Variants in TRIO observed in about 807,000 individuals in gnomAD.
The protein encoded by TRIO is triple functional domain protein.
Under a neutral mutation model 351.9 loss-of-function variants are expected in TRIO, and 58 were observed. The observed-to-expected ratio is 0.16, with a 90% CI of 0.13 to 0.21. TRIO has a LOEUF of 0.21. Ranked by LOEUF, TRIO falls within the 10% of genes least tolerant of loss-of-function variation. The pLI is 1.00. For synonymous variants in TRIO, 1,758 were observed against 1,595.7 expected, an observed-to-expected ratio of 1.10 and a Z score of -2.42; for missense variants, 3,201 against 4,027.8, an observed-to-expected ratio of 0.79 and a Z score of 5.56.
intron 21 of TRIO, among the ~76,000 whole-genome samples, chr5:14,384,860 G>A (rs919599966): frequency 7.2e-6 from 1 of 139,102 alleles, no homozygotes; most frequent in Non-Finnish European, 1.6e-5. Context: ...AAGATATATA[G>A]GCAGCTCATA....
chr5:14,476,134 A>G (rs1755058110), intron 40 of TRIO, among the ~76,000 whole-genome samples: 1 of 152,248 alleles, frequency 6.6e-6, no homozygotes, highest in Non-Finnish European at 1.5e-5. Flanking sequence ...AGTTTTGTAT[A>G]TCTGCTGTCC....
chr5:14,435,539 A>G (rs1751512116), intron 34 of TRIO, among the ~76,000 whole-genome samples: 1 of 152,130 alleles, frequency 6.6e-6, no homozygotes, highest in African/African-American at 2.4e-5. Context: ...TTTACCCTCT[A>G]ATTTTGGCAT....
At chr5:14,187,202 T>C (rs182443093) in intron 1 of TRIO, among the ~76,000 whole-genome samples, 167 of 152,328 alleles carry the variant, frequency 1.1e-3, no homozygotes, top group African/African-American at 3.9e-3. Flanking sequence ...AGTACTAAAA[T>C]GTATTATACT....
intron 1 of TRIO, among the ~76,000 whole-genome samples, chr5:14,199,082 C>T (rs1304869298): frequency 6.9e-6 from 1 of 144,194 alleles, no homozygotes; most frequent in African/African-American, 2.5e-5. Flanking sequence ...TACAAAAATA[C>T]AAAAATTAAC....
At chr5:14,310,367 A>G (rs1044786063) in intron 8 of TRIO, among the ~76,000 whole-genome samples, 3 of 152,274 alleles carry the variant, frequency 2.0e-5, no homozygotes, top group Non-Finnish European at 4.4e-5. Flanking sequence ...AGCACAAGCA[A>G]GGCGAAGTGC....
chr5:14,332,358 G>A (rs1172494761), intron 10 of TRIO, among the ~76,000 whole-genome samples: 1 of 152,170 alleles, frequency 6.6e-6, no homozygotes, highest in African/African-American at 2.4e-5. Flanking sequence ...TAAAAGAAAA[G>A]CAGACCAGTG....
chr5:14,474,494 C>T (rs749201194), intron 40 of TRIO, among the ~76,000 whole-genome samples: 3 of 151,846 alleles, frequency 2.0e-5, no homozygotes, highest in African/African-American at 2.4e-5. Flanking sequence ...ACTTTTACCT[C>T]GTGGGTTTTT....
At chr5:14,182,631 G>A (rs1239929502) in intron 1 of TRIO, among the ~76,000 whole-genome samples, 1 of 152,124 alleles carries the variant, frequency 6.6e-6, no homozygotes, top group Non-Finnish European at 1.5e-5. Context: ...GTAAGAAAAT[G>A]CCATTAATTA....
intron 1 of TRIO, among the ~76,000 whole-genome samples, chr5:14,197,492 A>G (rs1331354762): frequency 6.6e-6 from 1 of 152,178 alleles, no homozygotes; most frequent in African/African-American, 2.4e-5. Context: ...TGATTTTTAA[A>G]GCAGTCATAT....
chr5:14,474,774 C>T (rs746606501), intron 40 of TRIO, among the ~76,000 whole-genome samples: 10 of 152,050 alleles, frequency 6.6e-5, no homozygotes, highest in Non-Finnish European at 1.3e-4. Flanking sequence ...GTAATCCTCC[C>T]GCCTCAGCAT....
At chr5:14,335,261 G>A (rs1579356187) in intron 10 of TRIO, among the ~76,000 whole-genome samples, 1 of 152,196 alleles carries the variant, frequency 6.6e-6, no homozygotes, top group East Asian at 1.9e-4. Context: ...CCAACTTGGA[G>A]GCCACCCCTC....
At chr5:14,339,663 T>G (rs1032979600) in intron 11 of TRIO, among the ~76,000 whole-genome samples, 4 of 152,192 alleles carry the variant, frequency 2.6e-5, no homozygotes, top group African/African-American at 7.2e-5. Flanking sequence ...AGGACACACG[T>G]GTGCCCGTGT....
chr5:14,228,493 G>A (rs761675422), intron 1 of TRIO, among the ~76,000 whole-genome samples: 26 of 152,308 alleles, frequency 1.7e-4, no homozygotes, highest in Middle Eastern at 3.4e-3. Context: ...TTTCCTGGGC[G>A]CAAAAGCTGT....
At position 14,487,928 on chromosome 5, in the gene TRIO, G is replaced by A. The variant is rs925730493; in HGVS notation, c.7300G>A (p.Ala2434Thr). 13 of 1,539,442 alleles carry A rather than the reference G, an allele frequency of 8.4e-6. No individual in the cohort carries two copies. In the African/African-American group the frequency reaches 9.7e-5, roughly 11 times the overall value. ...CTCGGGGTCGAGCCCAGACGCCCCC[G>A]CCAAGGACGCGCGCGCTAGCCTGGG... The part of the protein sequence containing the change: ...NASGSSPDAP[A>T]KDARASLGTL... Residue 2434 changes from alanine to threonine, a missense_variant, in exon 48 of 57, where the codon GCC becomes ACC. Around this residue, in one of 19 missense-constraint regions of TRIO, gnomAD observed 1,089 missense variants for 954.9 expected, o/e 1.14. Transcript: ENST00000344204.
chr5:14,504,384 A>G lies in TRIO; in HGVS notation c.8412-9A>G, dbSNP rs757932047. On this transcript the variant is annotated splice_polypyrimidine_tract_variant and intron_variant, in intron 54 of 56. Coordinates refer to ENST00000344204, the MANE Select transcript of TRIO (RefSeq NM_007118.4). ...CCTCTGCAAATGGTCCCCCTGACAT[A>G]TTTTACAGGGGCAGATTCTCTGTCG... is the stretch of plus-strand genomic sequence containing the variant. 4 of 1,613,824 alleles carry G rather than the reference A, an allele frequency of 2.5e-6. No individual in the cohort carries two copies. The African/African-American group carries it at 4.0e-5, about 16-fold the overall frequency.
intron 29 of TRIO, 141 bp from the exon 30 acceptor site, chr5:14,398,739 G>A (rs1747821824): frequency 1.4e-6 from 1 of 739,972 alleles, no homozygotes; most frequent in African/African-American, 1.8e-5. Context: ...GTGGCGTCGA[G>A]TCAGGATCAG....
chr5:14,496,094 A>T (rs1756874820), intron 49 of TRIO, among the ~76,000 whole-genome samples: 1 of 152,170 alleles, frequency 6.6e-6, no homozygotes, highest in South Asian at 2.1e-4. Context: ...GGTGCGGATG[A>T]TAGCATTTTT....
intron 1 of TRIO, among the ~76,000 whole-genome samples, chr5:14,186,443 T>G (rs1194746239): frequency 6.6e-6 from 1 of 152,178 alleles, no homozygotes; most frequent in Non-Finnish European, 1.5e-5. Context: ...ATGGAACCTT[T>G]CTGGTTGCTG....
intron 1 of TRIO, among the ~76,000 whole-genome samples, chr5:14,187,661 A>G (rs189356795): frequency 1.5e-3 from 221 of 152,348 alleles, no homozygotes; most frequent in African/African-American, 5.1e-3. Context: ...TGACATGTGC[A>G]TTTTTAAGTA....
Sources: allele counts gnomAD v4.1 joint callset (sites outside exome capture counted in the v4.1 genomes callset), GRCh38; gene constraint gnomAD v4.1.1; regional missense constraint gnomAD v4.1.1; transcripts MANE v1.5; gene names NCBI Gene and HGNC (gene_info 2026-07-23, HGNC 2026-07-21).